Variants in CPVL observed in about 807,000 individuals in gnomAD.
CPVL encodes the protein probable serine carboxypeptidase CPVL.
CPVL carries 51 observed loss-of-function variants against 63.7 expected under a neutral mutation model. The ratio of observed to expected loss-of-function variants is 0.80; its 90% confidence interval spans 0.64 to 1.01. CPVL has a LOEUF of 1.01. Ranked by LOEUF, CPVL falls within the 50% of genes least tolerant of loss-of-function variation. CPVL has a pLI of 0.00. For synonymous variants in CPVL, 195 were observed against 206.0 expected (o/e 0.95, Z 0.46); for missense variants, 530 against 573.1 (o/e 0.92, Z 0.77).
At chr7:29,140,734 C>A (rs1385788218) in intron 1 of CPVL, among the ~76,000 whole-genome samples, 1 of 152,078 alleles carries the variant, frequency 6.6e-6, no homozygotes, top group Admixed American at 6.6e-5. Flanking sequence ...TCTATCGCAC[C>A]CTCTCTCCAA....
intron 2 of CPVL, among the ~76,000 whole-genome samples, chr7:29,115,321 A>G (rs1788668763): frequency 6.6e-6 from 1 of 151,902 alleles, no homozygotes; most frequent in South Asian, 2.1e-4. Flanking sequence ...GCTTAATGCA[A>G]CCTCTGTTGG....
intron 2 of CPVL, among the ~76,000 whole-genome samples, chr7:29,116,993 G>C (rs1257611379): frequency 2.6e-5 from 4 of 152,126 alleles, no homozygotes; most frequent in Non-Finnish European, 5.9e-5. Flanking sequence ...CTGACCATCT[G>C]TCCAGAGCTT....
At chr7:29,125,386 GT>G (rs1789889146) in intron 1 of CPVL, among the ~76,000 whole-genome samples, 1 of 121,716 alleles carries the variant, frequency 8.2e-6, no homozygotes, top group Non-Finnish European at 1.6e-5. Context: ...CCACTCTCCC[GT>G]CTTTTTTTTT....
At chr7:29,017,123 C>T (rs1786488889) in intron 12 of CPVL, among the ~76,000 whole-genome samples, 1 of 152,184 alleles carries the variant, frequency 6.6e-6, no homozygotes, top group Admixed American at 6.5e-5. Context: ...TCCCACCTCT[C>T]ACTCTCCAAG....
chr7:29,060,830 A>G (rs1405502001), intron 11 of CPVL, among the ~76,000 whole-genome samples: 1 of 152,220 alleles, frequency 6.6e-6, no homozygotes, highest in Non-Finnish European at 1.5e-5. Context: ...ATTTTCTATG[A>G]CAAATTAGTA....
chr7:29,091,748 G>A (rs909402366), intron 6 of CPVL, among the ~76,000 whole-genome samples: 1 of 152,166 alleles, frequency 6.6e-6, no homozygotes, highest in African/African-American at 2.4e-5. Context: ...TTTGGGAAAG[G>A]GGCTTGGAAG....
At position 29,072,329 on chromosome 7, in the gene CPVL, A is replaced by G. The variant is rs1387643100; in HGVS notation, c.704T>C (p.Ile235Thr). The G allele has an allele frequency of 2.5e-6, 4 of 1,614,146 alleles. No homozygotes were observed. Among genetic ancestry groups the G allele is most frequent in the Admixed American group, 1.7e-5 (1 of 60,032 alleles). Residue 235 changes from isoleucine (I) to threonine (T), a missense_variant, in exon 8 of 13, where the codon ATT becomes ACT. By Grantham distance (89) the Ile-to-Thr change is moderately conservative. Coordinates refer to ENST00000265394, the MANE Select transcript of CPVL (RefSeq NM_031311.5). ...TTCGGGATCAGAATATCCATCTCCAATAGCAATTCCGTTCAGGTTGATCTT... is the reference window on the plus strand; with the variant it reads ...TTCGGGATCAGAATATCCATCTCCAGTAGCAATTCCGTTCAGGTTGATCTT... ...EVKINLNGIA[I>T]GDGYSDPESI...
At chr7:29,106,324 C>T (rs912802111) in intron 3 of CPVL, among the ~76,000 whole-genome samples, 6 of 151,974 alleles carry the variant, frequency 3.9e-5, no homozygotes, top group Non-Finnish European at 5.9e-5. Flanking sequence ...ACCGGCAAGG[C>T]CTAGGGTATA....
At chr7:29,118,224 T>C (rs538325441) in intron 2 of CPVL, among the ~76,000 whole-genome samples, 17 of 152,374 alleles carry the variant, frequency 1.1e-4, no homozygotes, top group African/African-American at 3.4e-4. Flanking sequence ...TCGGATAAAG[T>C]ATTTCAGTCT....
intron 3 of CPVL, among the ~76,000 whole-genome samples, chr7:29,107,840 A>G (rs1787871681): frequency 6.6e-6 from 1 of 152,328 alleles, no homozygotes; most frequent in African/African-American, 2.4e-5. Flanking sequence ...GGGAGTGTAC[A>G]TGGCACCATG....
At chr7:29,070,498 T>A (rs575916667) in intron 9 of CPVL, among the ~76,000 whole-genome samples, 2 of 152,352 alleles carry the variant, frequency 1.3e-5, no homozygotes, top group African/African-American at 4.8e-5. Flanking sequence ...TCGTCCCCTC[T>A]GTGACTACCA....
chr7:29,070,790 C>A (rs1405804492), intron 9 of CPVL, among the ~76,000 whole-genome samples: 2 of 152,204 alleles, frequency 1.3e-5, no homozygotes, highest in Non-Finnish European at 2.9e-5. Flanking sequence ...TGTCCCAACA[C>A]CCTACTTGTA....
intron 11 of CPVL, among the ~76,000 whole-genome samples, chr7:29,061,391 C>T (rs1419884528): frequency 1.3e-5 from 2 of 152,008 alleles, no homozygotes; most frequent in Non-Finnish European, 2.9e-5. Context: ...CCAGCCTGAG[C>T]AACAGAGTGA....
chr7:29,022,533 A>C (rs1787105200), intron 12 of CPVL, among the ~76,000 whole-genome samples: 1 of 152,078 alleles, frequency 6.6e-6, no homozygotes, highest in Admixed American at 6.5e-5. Context: ...CACTGCCTTC[A>C]CCTGTGCCCA....
intron 3 of CPVL, among the ~76,000 whole-genome samples, chr7:29,108,111 G>A (rs565609187): frequency 1.4e-3 from 206 of 152,280 alleles, no homozygotes; most frequent in African/African-American, 4.8e-3. Context: ...AGCACCTCAC[G>A]GGCCTCAGCA....
chr7:29,038,411 T>G (rs1268820068), intron 11 of CPVL, among the ~76,000 whole-genome samples: 1 of 152,234 alleles, frequency 6.6e-6, no homozygotes, highest in East Asian at 1.9e-4. Flanking sequence ...CTGATCATGC[T>G]GGTAATCTCA....
At chr7:29,052,399 C>G (rs893999906) in intron 11 of CPVL, among the ~76,000 whole-genome samples, 1 of 142,568 alleles carries the variant, frequency 7.0e-6, no homozygotes, top group South Asian at 2.3e-4. Flanking sequence ...AGTTTTTAAA[C>G]CTATTTTTAA....
chr7:29,193,671 CA>C (rs1256579140), intron 1 of CPVL: 5 of 152,160 alleles, frequency 3.3e-5, no homozygotes, highest in Non-Finnish European at 5.9e-5. Context: ...GGTTTAAATA[CA>C]GGGGGAAGGG....
At chr7:29,045,281 G>A (rs569348783) in intron 11 of CPVL, among the ~76,000 whole-genome samples, 1 of 152,142 alleles carries the variant, frequency 6.6e-6, no homozygotes, top group East Asian at 1.9e-4. Context: ...AAAAAGCCCA[G>A]AAGTATGCCT....
Sources: gnomAD v4.1 joint callset for allele counts (sites outside exome capture counted in the v4.1 genomes callset) on GRCh38, gnomAD v4.1.1 for gene constraint, MANE v1.5 for transcripts, NCBI Gene and HGNC (gene_info 2026-07-23, HGNC 2026-07-21) for gene names.